UST: variants seen among roughly 807,000 people sequenced by gnomAD.
UST encodes the protein chondroitin sulfate 2-O-sulfotransferase.
In UST, 21 loss-of-function variants were observed where a neutral mutation model predicts 45.6. The ratio of observed to expected loss-of-function variants is 0.46; its 90% CI spans 0.33 to 0.66. The LOEUF (loss-of-function observed/expected upper bound fraction) is 0.66. UST is among the 30% of genes least tolerant of loss of function. The pLI is 0.02. For missense variants in UST, 463 were observed against 512.4 expected, an observed-to-expected ratio of 0.90 and a Z score of 0.93; for synonymous variants, 215 against 200.6, an observed-to-expected ratio of 1.07 and a Z score of -0.61.
intron 5 of UST, among the ~76,000 whole-genome samples, chr6:149,003,674 A>G (rs1380153914): frequency 6.6e-6 from 1 of 152,254 alleles, no homozygotes; most frequent in African/African-American, 2.4e-5. Context: ...GTTTTGCACT[A>G]AAATCTGTAG....
rs541142116 is a variant in UST at position 149,028,970 on chromosome 6, G to A, written c.937+7489G>A. ...AACTGTTTTCCATGTGCAGAATTAC[G>A]TACTTCAGAACACTAAATTAATGAA... On this transcript the variant is annotated intron_variant, in intron 7 of 7. Coordinates refer to ENST00000367463, the MANE Select transcript of UST (RefSeq NM_005715.3). 4.6e-5 allele frequency among the ~76,000 whole-genome samples: 7 copies of A among 152,198 alleles called. No homozygotes were observed. The South Asian group carries it at 1.5e-3, about 32-fold the overall frequency.
rs6918278 is a variant in UST at position 148,760,741 on chromosome 6, A to C, written c.247+13064A>C. Among the ~76,000 whole-genome samples, 461 of 151,316 alleles carry C rather than the reference A, an allele frequency of 3.0e-3. 5 individuals are homozygous for C. The highest frequency in any genetic ancestry group is 0.01 in the African/African-American group (417 of 41,414). ...CAAAACAAAACAAAACAAAACAAAA[A>C]AAAACCACAAACATCTCCCCAGGAA... On this transcript the variant is annotated intron_variant, in intron 1 of 7. Transcript: ENST00000367463.
At chr6:148,797,696 G>A (rs1020012694) in intron 1 of UST, among the ~76,000 whole-genome samples, 2 of 152,172 alleles carry the variant, frequency 1.3e-5, no homozygotes, top group African/African-American at 4.8e-5. Flanking sequence ...GGTCTTCCCA[G>A]AGGAGGTGAT....
chr6:148,922,358 A>G (rs542279551), intron 2 of UST, among the ~76,000 whole-genome samples: 2,654 of 84,910 alleles, frequency 0.031, 86 homozygotes, highest in African/African-American at 0.13. Flanking sequence ...ACAATATACA[A>G]TATGTGGCCT....
intron 1 of UST, among the ~76,000 whole-genome samples, chr6:148,837,699 T>TTC (rs200791101): frequency 6.9e-6 from 1 of 145,924 alleles, no homozygotes; most frequent in Non-Finnish European, 1.5e-5. Context: ...TTTTTTTTTT[T>TTC]TCTCTCCTTT....
chr6:148,917,464 G>A (rs968119704), intron 2 of UST, among the ~76,000 whole-genome samples: 1 of 152,192 alleles, frequency 6.6e-6, no homozygotes, highest in African/African-American at 2.4e-5. Flanking sequence ...TCTTAAAAGC[G>A]GGGTTGCTTG....
intron 7 of UST, among the ~76,000 whole-genome samples, chr6:149,031,150 T>C (rs1415407476): frequency 1.3e-5 from 2 of 149,734 alleles, no homozygotes; most frequent in Non-Finnish European, 3.0e-5. Context: ...GAGGTTGCAG[T>C]GAGCTGAGAT....
chr6:148,844,663 T>C (rs979300925), intron 1 of UST, among the ~76,000 whole-genome samples: 3 of 152,232 alleles, frequency 2.0e-5, no homozygotes, highest in Admixed American at 1.3e-4. Flanking sequence ...AATTTTATTT[T>C]ATTTTTTCCT....
chr6:149,056,006 ATT>A (rs67882003), intron 7 of UST, among the ~76,000 whole-genome samples: 1 of 149,754 alleles, frequency 6.7e-6, no homozygotes, highest in African/African-American at 2.5e-5. Context: ...AAATGTTTTA[ATT>A]TTTTTCCCAG....
chr6:149,038,857 A>AT (rs543078286), intron 7 of UST, among the ~76,000 whole-genome samples: 44 of 152,320 alleles, frequency 2.9e-4, no homozygotes, highest in African/African-American at 3.8e-4. Flanking sequence ...TTTATAAGTG[A>AT]TTTTACAGTG....
At position 148,998,820 on chromosome 6, in the gene UST, A is replaced by G. The variant is rs149869351; in HGVS notation, c.682-20319A>G. Among the ~76,000 whole-genome samples the G allele has an allele frequency of 5.1e-3, 775 of 152,338 alleles. 10 individuals are homozygous for G. The highest frequency in any genetic ancestry group is 0.017 in the African/African-American group (719 of 41,592). On this transcript the variant is annotated intron_variant, in intron 5 of 7. Coordinates refer to ENST00000367463, the MANE Select transcript of UST (RefSeq NM_005715.3). ...TTATAGGCCGAGGCTGCTGCCATGTATGTGCTGGTCTGAATGCAGCAAGCA... is the reference window on the plus strand; with the variant it reads ...TTATAGGCCGAGGCTGCTGCCATGTGTGTGCTGGTCTGAATGCAGCAAGCA...
chr6:148,885,274 C>T (rs145727638), intron 1 of UST, among the ~76,000 whole-genome samples: 4 of 152,120 alleles, frequency 2.6e-5, no homozygotes, highest in African/African-American at 9.7e-5. Flanking sequence ...CACGCTTCCC[C>T]TGGGGAAGGC....
At chr6:148,901,703 G>T (rs181409695) in intron 2 of UST, among the ~76,000 whole-genome samples, 5 of 151,856 alleles carry the variant, frequency 3.3e-5, no homozygotes, top group Non-Finnish European at 7.4e-5. Context: ...GATTGCAGGC[G>T]CCTGCCACCA....
chr6:149,063,253 G>GT (rs1331063741), intron 7 of UST, among the ~76,000 whole-genome samples: 4 of 152,044 alleles, frequency 2.6e-5, no homozygotes, highest in Non-Finnish European at 4.4e-5. Context: ...CTCAAAGTTT[G>GT]TTTTTTTACT....
At chr6:148,909,633 G>A (rs17079733) in intron 2 of UST, among the ~76,000 whole-genome samples, 2,714 of 152,300 alleles carry the variant, frequency 0.018, 73 homozygotes, top group African/African-American at 0.059. Context: ...CATTATTCAT[G>A]CATCGTTGTT....
chr6:149,062,144 T>C (rs554323513), intron 7 of UST, among the ~76,000 whole-genome samples: 120 of 152,340 alleles, frequency 7.9e-4, no homozygotes, highest in Non-Finnish European at 1.6e-3. Context: ...CTTGGCTAAG[T>C]ATTTGCAAGC....
At chr6:149,035,482 T>C (rs1776228009) in intron 7 of UST, among the ~76,000 whole-genome samples, 1 of 152,114 alleles carries the variant, frequency 6.6e-6, no homozygotes, top group South Asian at 2.1e-4. Context: ...CAGCCGGACA[T>C]GGTGGCTCAC....
intron 5 of UST, among the ~76,000 whole-genome samples, chr6:148,996,293 A>ACTGCAGCCTCTGCCTCC (rs369947692): frequency 1.4e-4 from 21 of 152,350 alleles, no homozygotes; most frequent in African/African-American, 5.1e-4. Flanking sequence ...ATCTTGGCTC[A>ACTGCAGCCTCTGCCTCC]CTGCAGCCTC....
chr6:149,056,774 C>T (rs564714251), intron 7 of UST, among the ~76,000 whole-genome samples: 1 of 152,320 alleles, frequency 6.6e-6, no homozygotes, highest in Non-Finnish European at 1.5e-5. Flanking sequence ...ATTGCAAACT[C>T]TCCCAGTAGA....
Sources: gnomAD v4.1 joint callset for allele counts (sites outside exome capture counted in the v4.1 genomes callset) on GRCh38, gnomAD v4.1.1 for gene constraint, MANE v1.5 for transcripts, NCBI Gene and HGNC (gene_info 2026-07-23, HGNC 2026-07-21) for gene names.